The following SMYD3 variants were observed in gnomAD, a reference collection of about 807,000 sequenced individuals.
SMYD3 encodes histone-lysine N-methyltransferase SMYD3.
In SMYD3, 36 loss-of-function variants were observed where a neutral mutation model predicts 57.7. The ratio of observed to expected loss-of-function variants is 0.62; its 90% CI spans 0.48 to 0.82. SMYD3 has a LOEUF of 0.82. Ranked by LOEUF, SMYD3 falls within the 40% of genes least tolerant of loss-of-function variation. The probability of loss-of-function intolerance (pLI) is 0.00; values close to 1 mark genes in which losing one functional copy is unlikely to be tolerated. For missense variants in SMYD3, 515 were observed against 538.8 expected (o/e 0.96, Z 0.44); for synonymous variants, 211 against 195.0 (o/e 1.08, Z -0.68).
At chr1:246,179,016 T>C (rs1043640047) in intron 5 of SMYD3, 17 of 152,882 alleles carry the variant, frequency 1.1e-4, no homozygotes, top group African/African-American at 3.9e-4. Context: ...CATTGTAGGA[T>C]GGAGGATTCA....
intron 5 of SMYD3, among the ~76,000 whole-genome samples, chr1:245,998,458 C>G (rs936628544): frequency 2.0e-5 from 3 of 152,190 alleles, no homozygotes; most frequent in Admixed American, 2.0e-4. Flanking sequence ...GCCAATATTT[C>G]CATGTGACAA....
In SMYD3 at chr1:246,202,147, A is replaced by G. The variant is rs190638249; in HGVS notation, c.531+125054T>C. 1.3e-3 allele frequency among the ~76,000 whole-genome samples: 202 copies of G among 152,296 alleles called. 2 individuals are homozygous for G. Among genetic ancestry groups the G allele is most frequent in the Middle Eastern group, 6.8e-3 (2 of 294 alleles). On this transcript the variant is annotated intron_variant, in intron 5 of 11. Coordinates refer to ENST00000490107, the MANE Select transcript of SMYD3 (RefSeq NM_001167740.2). The surrounding 1 kb of genome is among the most constrained non-coding windows in gnomAD (Gnocchi z 4.1). ...AGCTAATGGGTGATTTTTATTTAAT[A>G]CTTTTACTTAACGATATTTTCTATA...
Position 246,498,133 on chromosome 1 carries a change from C to A in SMYD3, c.164+8921G>T, listed in dbSNP as rs73136120. ...TTAGTGGGAATGCAAAATGGTACAA[C>A]CCCACATAGGTATTTACACCTTGAC... On this transcript the variant is annotated intron_variant, in intron 1 of 11. Coordinates refer to ENST00000490107, the MANE Select transcript of SMYD3 (RefSeq NM_001167740.2). Among the ~76,000 whole-genome samples, 862 of 152,314 alleles carry A rather than the reference C, an allele frequency of 5.7e-3. 6 individuals carry two copies. The highest frequency in any genetic ancestry group is 0.02 in the African/African-American group (815 of 41,560).
chr1:246,447,506 C>A (rs2067566399), intron 1 of SMYD3, among the ~76,000 whole-genome samples: 1 of 151,414 alleles, frequency 6.6e-6, no homozygotes, highest in Admixed American at 6.5e-5. Context: ...CTCACAAATA[C>A]ACGAGACAGA....
intron 10 of SMYD3, among the ~76,000 whole-genome samples, chr1:245,774,681 C>CCCACGGTCTCCCTCTCCCTCT (rs1489352896): frequency 2.6e-5 from 3 of 115,814 alleles, no homozygotes; most frequent in Non-Finnish European, 5.5e-5. Flanking sequence ...CTCTCCCTTT[C>CCCACGGTCTCCCTCTCCCTCT]CCACGGTCTC....
intron 10 of SMYD3, among the ~76,000 whole-genome samples, chr1:245,795,862 C>T (rs1219018402): frequency 2.0e-5 from 3 of 152,286 alleles, no homozygotes; most frequent in Admixed American, 2.0e-4. Context: ...AGTCTCTCTC[C>T]CTAAATACTA....
intron 5 of SMYD3, among the ~76,000 whole-genome samples, chr1:246,075,393 C>T (rs924479567): frequency 1.3e-4 from 20 of 152,250 alleles, no homozygotes; most frequent in African/African-American, 4.8e-4. Flanking sequence ...AGGAATTTTC[C>T]ATTTTCTTAT....
chr1:245,774,404 A>G (rs1047377133), intron 10 of SMYD3, among the ~76,000 whole-genome samples: 1 of 152,226 alleles, frequency 6.6e-6, no homozygotes, highest in Non-Finnish European at 1.5e-5. Context: ...GCTGAAAGAA[A>G]GCCAGTGGAA....
At chr1:246,497,687 T>TA (rs75736784) in intron 1 of SMYD3, among the ~76,000 whole-genome samples, 14,493 of 151,656 alleles carry the variant, frequency 0.096, 896 homozygotes, top group East Asian at 0.18. Context: ...ATCTCATCTC[T>TA]AAAAAAAAAT....
chr1:246,406,426 G>A lies in SMYD3; in HGVS notation c.165-51332C>T, dbSNP rs116629621. 2.1e-3 allele frequency among the ~76,000 whole-genome samples: 315 copies of A among 152,214 alleles called. 3 individuals carry two copies. The highest frequency in any genetic ancestry group is 7.2e-3 in the African/African-American group (298 of 41,540). On this transcript the variant is annotated intron_variant, in intron 1 of 11. Transcript: ENST00000490107. ...TGAATTTTGCCCATTAAAAAATATCGGAGCTCTGGTAAAGATGCACTATGA... is the reference window on the plus strand; with the variant it reads ...TGAATTTTGCCCATTAAAAAATATCAGAGCTCTGGTAAAGATGCACTATGA...
chr1:245,989,169 C>T (rs2058764492), intron 5 of SMYD3, among the ~76,000 whole-genome samples: 1 of 151,510 alleles, frequency 6.6e-6, no homozygotes, highest in Middle Eastern at 3.4e-3. Flanking sequence ...ATTTATAACA[C>T]TTCTGACGAC....
intron 5 of SMYD3, among the ~76,000 whole-genome samples, chr1:246,261,249 G>T (rs138015928): frequency 0.013 from 1,989 of 151,648 alleles, 54 homozygotes; most frequent in African/African-American, 0.045. Context: ...TAGTAGAGCT[G>T]GGTTTCACCG....
intron 10 of SMYD3, among the ~76,000 whole-genome samples, chr1:245,774,380 G>C (rs1352810041): frequency 6.6e-6 from 1 of 152,200 alleles, no homozygotes; most frequent in Non-Finnish European, 1.5e-5. Context: ...CTGACAAGCA[G>C]TTGCAGAGTG....
chr1:245,757,873 T>G (rs2045676726), intron 11 of SMYD3, among the ~76,000 whole-genome samples: 1 of 152,118 alleles, frequency 6.6e-6, no homozygotes, highest in African/African-American at 2.4e-5. Flanking sequence ...TCCATATTTC[T>G]TCTTCTTTTT....
At chr1:245,876,794 T>A (rs953092980) in intron 8 of SMYD3, among the ~76,000 whole-genome samples, 1 of 152,150 alleles carries the variant, frequency 6.6e-6, no homozygotes, top group Admixed American at 6.5e-5. Flanking sequence ...AACAAATGTA[T>A]CATTTCTAAA....
intron 5 of SMYD3, among the ~76,000 whole-genome samples, chr1:246,271,852 G>A (rs2064229418): frequency 6.6e-6 from 1 of 152,018 alleles, no homozygotes; most frequent in Admixed American, 6.6e-5. Context: ...GATTTTGATA[G>A]GGAACGCATT....
At position 245,930,806 on chromosome 1, in the gene SMYD3, C is replaced by G. The variant is rs1338774789; in HGVS notation, c.532-869G>C. Reference sequence around the variant, plus strand: ...TTTTAAAAAACCCAATGATAGAAAACTGTCACATGTAGATAAATGCCAAGG... The same window carrying G: ...TTTTAAAAAACCCAATGATAGAAAAGTGTCACATGTAGATAAATGCCAAGG... On this transcript the variant is annotated intron_variant, in intron 5 of 11. Transcript: ENST00000490107. 5.3e-5 allele frequency: 8 copies of G among 152,130 alleles called. No individual in the cohort carries two copies. In the East Asian group the frequency reaches 1.5e-3, roughly 29 times the overall value. The allele number at this position is 152,130 out of a possible 1,614,324, so 9.4% of individuals were successfully genotyped here.
rs925410958 is a variant in SMYD3, at chr1:246,221,963, T to C, written c.531+105238A>G. Among the ~76,000 whole-genome samples the C allele has an allele frequency of 8.5e-5, 13 of 152,138 alleles. 1 individual carries two copies. Among genetic ancestry groups the C allele is most frequent in the African/African-American group, 1.9e-4 (8 of 41,380 alleles). ...ACAGTATGACTTATATCCTGTTATA[T>C]TGTCTCATCACAATTCACATAGGGT... is the stretch of plus-strand genomic sequence containing the variant. On this transcript the variant is annotated intron_variant, in intron 5 of 11. Coordinates refer to ENST00000490107, the MANE Select transcript of SMYD3 (RefSeq NM_001167740.2).
intron 1 of SMYD3, among the ~76,000 whole-genome samples, chr1:246,396,114 T>C (rs1409770448): frequency 6.6e-6 from 1 of 152,152 alleles, no homozygotes; most frequent in Non-Finnish European, 1.5e-5. Context: ...TAAGGGGCCT[T>C]AGGAACACAC....
Sources: allele counts gnomAD v4.1 joint callset (sites outside exome capture counted in the v4.1 genomes callset), GRCh38; gene constraint gnomAD v4.1.1; non-coding constraint Gnocchi (gnomAD v3.1); transcripts MANE v1.5; gene names NCBI Gene and HGNC (gene_info 2026-07-23, HGNC 2026-07-21).